Variants in PSMD4 observed in about 807,000 individuals in gnomAD.
The protein encoded by PSMD4 is 26S proteasome non-ATPase regulatory subunit 4.
PSMD4 carries 5 observed loss-of-function variants against 39.7 expected under a neutral mutation model. The ratio of observed to expected loss-of-function variants is 0.13; its 90% confidence interval spans 0.07 to 0.26. PSMD4 has a LOEUF of 0.26. PSMD4 is among the 10% of genes least tolerant of loss of function. The pLI is 1.00. For synonymous variants in PSMD4, 143 were observed against 174.6 expected, an observed-to-expected ratio of 0.82 and a Z score of 1.43; for missense variants, 272 against 486.1, an observed-to-expected ratio of 0.56 and a Z score of 4.14.
chr1:151,266,227 G>A (rs923123814), intron 7 of PSMD4, 81 bp from the exon 8 acceptor site: 6 of 1,602,164 alleles, frequency 3.7e-6, no homozygotes, highest in Non-Finnish European at 5.1e-6. Context: ...ATGTGGGAGG[G>A]CTGGGCTAGG....
intron 5 of PSMD4, 38 bp from the exon 6 acceptor site, chr1:151,265,356 G>A: frequency 1.9e-6 from 3 of 1,607,580 alleles, no homozygotes; most frequent in Non-Finnish European, 1.7e-6. Context: ...CAGGGAGCAA[G>A]GCCTGAAGAA....
chr1:151,261,990 C>T (rs1693331124), intron 1 of PSMD4, among the ~76,000 whole-genome samples, 171 bp from the exon 2 acceptor site: 1 of 149,396 alleles, frequency 6.7e-6, no homozygotes, highest in Non-Finnish European at 1.5e-5. Context: ...ATTGGTTATT[C>T]TGAGTCAATA....
intron 1 of PSMD4, among the ~76,000 whole-genome samples, chr1:151,259,618 G>A (rs945467924): frequency 2.0e-5 from 3 of 152,174 alleles, no homozygotes; most frequent in Non-Finnish European, 4.4e-5. Context: ...GCTAGGTGCC[G>A]TGGCTCACAC....
chr1:151,266,378 A>G lies in PSMD4; in HGVS notation c.834A>G (p.Leu278=), dbSNP rs368431425. 1.2e-6 allele frequency: 2 copies of G among 1,614,200 alleles called. No homozygotes were observed. Among genetic ancestry groups the G allele is most frequent in the African/African-American group, 2.7e-5 (2 of 75,048 alleles). ...TTGGCCGCACTGGGCTTCCTGACCT[A>G]AGCAGTATGACTGAGGAAGAGCAGA... ...QEFGRTGLPD[L]SSMTEEEQIA... Residue 278 remains leucine (L), a synonymous_variant, in exon 8 of 10, where the codon CTA becomes CTG. Transcript: ENST00000368884.
chr1:151,266,698 A>C, intron 9 of PSMD4, 111 bp downstream of exon 9: 1 of 1,275,374 alleles, frequency 7.8e-7, no homozygotes, highest in Non-Finnish European at 1.1e-6. Context: ...GAGCAGAGGG[A>C]AACACATGGA....
intron 1 of PSMD4, among the ~76,000 whole-genome samples, chr1:151,255,131 T>C (rs991708341): frequency 6.6e-6 from 1 of 152,258 alleles, no homozygotes. Flanking sequence ...TCGTAATAGT[T>C]TTCTGCCCTC....
In PSMD4 at chr1:151,266,084, G is replaced by A. The variant is rs771571019; in HGVS notation, c.735G>A (p.Glu245=). ...ARRAAAASAA[E]AGIATTGTED... is the part of the protein sequence containing the mutation. ...GGGCAGCTGCAGCTTCTGCTGCTGA[G>A]GCCGGGATTGCTACGACTGGGACTG... The change falls in exon 7 of 10, where the codon GAG becomes GAA. Residue 245 remains glutamate (E), a synonymous_variant. Coordinates refer to ENST00000368884, the MANE Select transcript of PSMD4 (RefSeq NM_002810.4). 1 of 1,607,162 alleles carries A rather than the reference G, an allele frequency of 6.2e-7. No homozygotes were observed. The highest frequency in any genetic ancestry group is 8.5e-7 in the Non-Finnish European group (1 of 1,176,948).
intron 1 of PSMD4, among the ~76,000 whole-genome samples, chr1:151,260,623 C>G (rs1022539959): frequency 1.3e-5 from 2 of 152,040 alleles, no homozygotes; most frequent in Admixed American, 6.6e-5. Context: ...GCAGCCTCCA[C>G]CTCTCAGGTT....
In PSMD4 at chr1:151,267,158, ACTGC is replaced by A; in HGVS notation, c.964-11_964-8del. The A allele has an allele frequency of 6.2e-7, 1 of 1,613,806 alleles. No individual in the cohort carries two copies. Reference sequence around the variant, plus strand: ...GCTCCATACCCTCCCTTGAGCTCACACTGCCTGTTTGCAGGAGGAGGATGATTAC... The same window carrying A: ...GCTCCATACCCTCCCTTGAGCTCACACTGTTTGCAGGAGGAGGATGATTAC... On this transcript the variant is annotated splice_polypyrimidine_tract_variant and intron_variant, in intron 9 of 9. Coordinates refer to ENST00000368884, the MANE Select transcript of PSMD4 (RefSeq NM_002810.4).
At chr1:151,260,304 G>A (rs1330157997) in intron 1 of PSMD4, among the ~76,000 whole-genome samples, 2 of 152,088 alleles carry the variant, frequency 1.3e-5, no homozygotes, top group African/African-American at 4.8e-5. Flanking sequence ...GACCTCAGAG[G>A]TCATCAAGAA....
At chr1:151,256,580 A>T (rs1693176739) in intron 1 of PSMD4, among the ~76,000 whole-genome samples, 1 of 149,916 alleles carries the variant, frequency 6.7e-6, no homozygotes, top group African/African-American at 2.4e-5. Context: ...CTGGGATTAC[A>T]GGTGCCCGCC....
At chr1:151,262,357 T>C in intron 2 of PSMD4, 56 bp downstream of exon 2, 2 of 1,601,060 alleles carry the variant, frequency 1.2e-6, no homozygotes, top group South Asian at 2.2e-5. Context: ...TACATGCTAC[T>C]CTTCTTTAGA....
intron 3 of PSMD4, 36 bp from the exon 4 acceptor site, chr1:151,264,796 C>G: frequency 6.6e-7 from 1 of 1,521,752 alleles, no homozygotes; most frequent in Non-Finnish European, 9.1e-7. Flanking sequence ...AGTGATTCCT[C>G]TGGTTAACTC....
Position 151,265,498 on chromosome 1 carries a change from T to C in PSMD4, c.543T>C (p.Asp181=). Residue 181 remains aspartate, a synonymous_variant, in exon 6 of 10, where the codon GAT becomes GAC. Coordinates refer to ENST00000368884, the MANE Select transcript of PSMD4 (RefSeq NM_002810.4). ...VTVPPGPSLA[D]ALISSPILAG... ...TGCCTCCTGGGCCCAGTTTGGCTGA[T>C]GCTCTCATCAGTTCTCCGATTTTGG... 6.2e-7 allele frequency: 1 copy of C among 1,614,220 alleles called. No individual in the cohort carries two copies. The highest frequency in any genetic ancestry group is 8.5e-7 in the Non-Finnish European group (1 of 1,180,030).
At position 151,266,450 on chromosome 1, in the gene PSMD4, G is replaced by A. The variant is rs201079899; in HGVS notation, c.895+11G>A. Reference sequence around the variant, plus strand: ...CCCTGCAGGGAGCAGGTGAGCCAGAGCCTGGGTGGTGCCTAGGCAGAGGTT... The same window carrying A: ...CCCTGCAGGGAGCAGGTGAGCCAGAACCTGGGTGGTGCCTAGGCAGAGGTT... On this transcript the variant is annotated intron_variant, in intron 8 of 9. Coordinates refer to ENST00000368884, the MANE Select transcript of PSMD4 (RefSeq NM_002810.4). The A allele has an allele frequency of 8.7e-5, 140 of 1,614,114 alleles. 1 individual carries two copies. The highest frequency in any genetic ancestry group is 3.2e-4 in the Admixed American group (19 of 60,004).
chr1:151,265,740 T>G, intron 6 of PSMD4, 131 bp downstream of exon 6: 1 of 1,054,118 alleles, frequency 9.5e-7, no homozygotes, highest in Non-Finnish European at 1.4e-6. Context: ...AAGACCTCCT[T>G]TTGCCGCCTC....
In PSMD4 at chr1:151,265,611, T is replaced by TGAGCAAATGTTGACCCCAGGTA. The variant is rs761003718; in HGVS notation, c.654+6_654+27dup. 8 of 1,613,774 alleles carry TGAGCAAATGTTGACCCCAGGTA rather than the reference T, an allele frequency of 5.0e-6. No homozygotes were observed. In the African/African-American group the frequency reaches 8.0e-5, roughly 16 times the overall value. On this transcript the variant is annotated splice_region_variant and intron_variant, in intron 6 of 9. Transcript: ENST00000368884. The stretch of plus-strand genomic sequence containing the variant: ...AGTGCTGATCCTGAGCTGGCCTTGG[T>TGAGCAAATGTTGACCCCAGGTA]GAGCAAATGTTGACCCCAGGTAGAG...
intron 1 of PSMD4, among the ~76,000 whole-genome samples, chr1:151,257,324 C>T (rs757960426): frequency 9.2e-5 from 14 of 152,126 alleles, no homozygotes; most frequent in African/African-American, 2.4e-4. Context: ...CAGTGCCATG[C>T]GGTTTTGGTT....
chr1:151,265,054 T>C (rs1285014682), intron 4 of PSMD4, 112 bp from the exon 5 acceptor site: 3 of 1,298,372 alleles, frequency 2.3e-6, no homozygotes, highest in Non-Finnish European at 2.2e-6. Flanking sequence ...TCAGTGATTC[T>C]GTTGGAGGAC....
Sources: allele counts gnomAD v4.1 joint callset (sites outside exome capture counted in the v4.1 genomes callset), GRCh38; gene constraint gnomAD v4.1.1; transcripts MANE v1.5; gene names NCBI Gene and HGNC (gene_info 2026-07-23, HGNC 2026-07-21).